The following NCKAP5 variants were observed in gnomAD, a reference collection of about 807,000 sequenced individuals.
The protein encoded by NCKAP5 is NCK associated protein 5.
Under a neutral mutation model 167.0 loss-of-function variants are expected in NCKAP5, and 92 were observed. That is an observed-to-expected ratio of 0.55 (90% CI 0.47 to 0.66). The LOEUF (loss-of-function observed/expected upper bound fraction) is 0.66, where lower values mean the gene tolerates loss of function less well. NCKAP5 is among the 30% of genes least tolerant of loss of function. NCKAP5 has a pLI of 0.00. For synonymous variants in NCKAP5, 891 were observed against 877.4 expected, an observed-to-expected ratio of 1.02 and a Z score of -0.27; for missense variants, 2,378 against 2,315.0, an observed-to-expected ratio of 1.03 and a Z score of -0.56.
chr2:132,974,054 A>T (rs1242583171), intron 7 of NCKAP5, among the ~76,000 whole-genome samples: 1 of 152,224 alleles, frequency 6.6e-6, no homozygotes, highest in Non-Finnish European at 1.5e-5. Flanking sequence ...CGGTAATAAC[A>T]GCTACCCTCT....
At chr2:133,441,276 A>G (rs1403677232) in intron 3 of NCKAP5, among the ~76,000 whole-genome samples, 1 of 152,226 alleles carries the variant, frequency 6.6e-6, no homozygotes, top group African/African-American at 2.4e-5. Flanking sequence ...GCTATACCTG[A>G]CATTCAGTTT....
intron 6 of NCKAP5, among the ~76,000 whole-genome samples, chr2:133,003,106 G>T (rs918165795): frequency 5.9e-5 from 9 of 152,174 alleles, no homozygotes; most frequent in Non-Finnish European, 1.2e-4. Context: ...CCTTAATGAG[G>T]AAAGGTTCTA....
rs146903420 is a variant in NCKAP5, at chr2:132,883,006, G to A, written c.580-4090C>T. On this transcript the variant is annotated intron_variant, in intron 8 of 19. Coordinates refer to ENST00000409261, the MANE Select transcript of NCKAP5 (RefSeq NM_207363.3). Reference sequence around the variant, plus strand: ...CCAGGAGTTTGAGACCGGCCTGGGCGACATAGTGAGATCTCCATCTCTACT... The same window carrying A: ...CCAGGAGTTTGAGACCGGCCTGGGCAACATAGTGAGATCTCCATCTCTACT... Among the ~76,000 whole-genome samples, 530 of 151,988 alleles carry A rather than the reference G, an allele frequency of 3.5e-3. 5 individuals carry two copies. The highest frequency in any genetic ancestry group is 0.012 in the African/African-American group (482 of 41,420).
At chr2:133,128,688 C>G (rs1202587396) in intron 6 of NCKAP5, among the ~76,000 whole-genome samples, 1 of 152,014 alleles carries the variant, frequency 6.6e-6, no homozygotes, top group Non-Finnish European at 1.5e-5. Flanking sequence ...AACTCCACCT[C>G]CTGGGTTCAA....
intron 4 of NCKAP5, among the ~76,000 whole-genome samples, chr2:133,222,582 T>TA (rs1372161679): frequency 7.7e-6 from 1 of 129,484 alleles, no homozygotes; most frequent in Non-Finnish European, 1.8e-5. Context: ...AAAATATTCT[T>TA]AAAAAATAAC....
intron 6 of NCKAP5, among the ~76,000 whole-genome samples, chr2:133,005,376 T>C (rs907264271): frequency 3.3e-5 from 5 of 152,220 alleles, no homozygotes; most frequent in Non-Finnish European, 5.9e-5. Context: ...GGTCCCTCCA[T>C]TCAGGGTCCC....
intron 7 of NCKAP5, among the ~76,000 whole-genome samples, chr2:132,981,334 C>T (rs2077135945): frequency 6.6e-6 from 1 of 152,128 alleles, no homozygotes; most frequent in Admixed American, 6.5e-5. Flanking sequence ...GCAAATAGCC[C>T]TGAGACAGCA....
chr2:133,574,037 G>C, the NCKAP5 span, among the ~76,000 whole-genome samples: 8 of 152,184 alleles, frequency 5.3e-5, no homozygotes. Flanking sequence ...TGCCCCGATT[G>C]TCTAAATAGA....
intron 3 of NCKAP5, among the ~76,000 whole-genome samples, chr2:133,445,054 C>T (rs1226194639): frequency 6.6e-6 from 1 of 152,160 alleles, no homozygotes; most frequent in Non-Finnish European, 1.5e-5. Flanking sequence ...GAGTGATTTA[C>T]TTGGGAAAGG....
chr2:133,138,693 C>T (rs1271301944), intron 5 of NCKAP5, among the ~76,000 whole-genome samples: 2 of 152,114 alleles, frequency 1.3e-5, no homozygotes, highest in South Asian at 2.1e-4. Flanking sequence ...TTTTATGTTG[C>T]CTTGGCCTCC....
At chr2:133,549,923 C>T (rs1361258912) in intron 2 of NCKAP5, among the ~76,000 whole-genome samples, 10 of 137,822 alleles carry the variant, frequency 7.3e-5, no homozygotes, top group African/African-American at 1.9e-4. Flanking sequence ...ATATCACCAC[C>T]GATCCCACAG....
At chr2:133,144,280 G>A (rs2083105931) in intron 5 of NCKAP5, among the ~76,000 whole-genome samples, 1 of 152,058 alleles carries the variant, frequency 6.6e-6, no homozygotes, top group Non-Finnish European at 1.5e-5. Context: ...TAGCACGAAA[G>A]CAGGTATAGA....
intron 3 of NCKAP5, among the ~76,000 whole-genome samples, chr2:133,383,959 C>T (rs990508322): frequency 1.3e-5 from 2 of 151,988 alleles, no homozygotes; most frequent in Non-Finnish European, 2.9e-5. Context: ...GGATATTAGC[C>T]CTTTGTCAGA....
chr2:133,513,078 C>T (rs1456958564), intron 3 of NCKAP5, among the ~76,000 whole-genome samples: 1 of 152,172 alleles, frequency 6.6e-6, no homozygotes, highest in Non-Finnish European at 1.5e-5. Context: ...AGAGATGGCA[C>T]ACTCAAAGCA....
intron 4 of NCKAP5, among the ~76,000 whole-genome samples, chr2:133,239,587 C>A (rs537865124): frequency 1.6e-4 from 25 of 152,210 alleles, no homozygotes; most frequent in African/African-American, 5.1e-4. Context: ...CTGATTTTTT[C>A]TATTCTCTAA....
the NCKAP5 span, among the ~76,000 whole-genome samples, chr2:133,663,116 A>G: frequency 6.6e-6 from 1 of 151,914 alleles, no homozygotes; most frequent in Non-Finnish European, 1.5e-5. Context: ...AATACAAAAA[A>G]TTAGCTGGGC....
In NCKAP5 at chr2:133,210,998, C is replaced by T. The variant is rs1001584151; in HGVS notation, c.207+2718G>A. Among the ~76,000 whole-genome samples the T allele has an allele frequency of 2.2e-5, 3 of 136,962 alleles. No homozygotes were observed. In the East Asian group the frequency reaches 7.5e-4, roughly 34 times the overall value. 89.9% of individuals were successfully genotyped at this position (136,962 alleles called of 152,430 possible). ...GCACCCATTCCCCCAACCCTCCCTACCCCCCCAACCCCATCACTTTTTTCT... is the reference window on the plus strand; with the variant it reads ...GCACCCATTCCCCCAACCCTCCCTATCCCCCCAACCCCATCACTTTTTTCT... On this transcript the variant is annotated intron_variant, in intron 5 of 19. Transcript: ENST00000409261.
chr2:133,598,447 C>T, the NCKAP5 span, among the ~76,000 whole-genome samples: 1 of 152,168 alleles, frequency 6.6e-6, no homozygotes. Flanking sequence ...TGAGAATGAT[C>T]CTTTTATTCT....
At chr2:133,645,258 T>C in the NCKAP5 span, among the ~76,000 whole-genome samples, 1 of 152,162 alleles carries the variant, frequency 6.6e-6, no homozygotes, top group Admixed American at 6.5e-5. Context: ...ATTAACAAAA[T>C]AATTGTAAAT....
Sources: allele counts gnomAD v4.1 joint callset (sites outside exome capture counted in the v4.1 genomes callset), GRCh38; gene constraint gnomAD v4.1.1; transcripts MANE v1.5; gene names NCBI Gene and HGNC (gene_info 2026-07-23, HGNC 2026-07-21).